COL19A1: variants seen among roughly 807,000 people sequenced by gnomAD.
COL19A1 encodes collagen alpha-1(XIX) chain.
In COL19A1, 159 loss-of-function variants were observed where a neutral mutation model predicts 190.2. That is an observed-to-expected ratio of 0.84 (90% CI 0.73 to 0.95). The LOEUF is 0.95. Among genes scored for constraint, COL19A1 ranks in the 40% least tolerant of loss-of-function variants. The pLI, the probability that COL19A1 is intolerant of heterozygous loss-of-function variation, is 0.00. For missense variants in COL19A1, 1,418 were observed against 1,431.9 expected (o/e 0.99, Z 0.16); for synonymous variants, 509 against 458.9 (o/e 1.11, Z -1.39).
At chr6:70,023,131 C>CTTTTTTTTTTTTTT (rs1419955153) in intron 11 of COL19A1, among the ~76,000 whole-genome samples, 1 of 142,230 alleles carries the variant, frequency 7.0e-6, no homozygotes. Context: ...TTTTATGCAG[C>CTTTTTTTTTTTTTT]TATTTTTTTT....
At chr6:70,143,728 T>C (rs1786411870) in intron 23 of COL19A1, among the ~76,000 whole-genome samples, 1 of 151,836 alleles carries the variant, frequency 6.6e-6, no homozygotes, top group African/African-American at 2.4e-5. Flanking sequence ...ATAAACCTAG[T>C]GGACAGATCT....
intron 48 of COL19A1, among the ~76,000 whole-genome samples, chr6:70,197,279 C>T (rs376085051): frequency 6.6e-6 from 1 of 151,694 alleles, no homozygotes. Context: ...AAAAATTAGC[C>T]GGGCATGGTG....
chr6:69,942,838 T>C (rs981931753), intron 9 of COL19A1, among the ~76,000 whole-genome samples: 8 of 152,010 alleles, frequency 5.3e-5, no homozygotes, highest in Admixed American at 5.3e-4. Flanking sequence ...TATTAGCGAT[T>C]GTGAGTAGTG....
chr6:70,188,799 A>G (rs984411157), intron 47 of COL19A1, among the ~76,000 whole-genome samples: 3 of 152,226 alleles, frequency 2.0e-5, no homozygotes, highest in Admixed American at 6.5e-5. Flanking sequence ...AGGAGTGGTG[A>G]GTGGCTATTC....
At chr6:70,075,089 G>A (rs1304820815) in intron 15 of COL19A1, among the ~76,000 whole-genome samples, 3 of 152,034 alleles carry the variant, frequency 2.0e-5, no homozygotes, top group Non-Finnish European at 2.9e-5. Context: ...AGATAACATC[G>A]TATTTTATTT....
intron 46 of COL19A1, among the ~76,000 whole-genome samples, chr6:70,187,181 A>T (rs1766578613): frequency 6.6e-6 from 1 of 152,078 alleles, no homozygotes; most frequent in Non-Finnish European, 1.5e-5. Flanking sequence ...CGCCTGGCCC[A>T]ACTGATTCTT....
At chr6:69,872,852 T>C (rs562646578) in intron 1 of COL19A1, among the ~76,000 whole-genome samples, 1 of 152,228 alleles carries the variant, frequency 6.6e-6, no homozygotes, top group Non-Finnish European at 1.5e-5. Flanking sequence ...TTTGTAGCAC[T>C]GGGGAACTCT....
At chr6:70,192,947 G>C (rs2150299929) in intron 48 of COL19A1, among the ~76,000 whole-genome samples, 1 of 152,288 alleles carries the variant, frequency 6.6e-6, no homozygotes, top group Non-Finnish European at 1.5e-5. Flanking sequence ...ATGGGCTGTA[G>C]TGTCTTTATT....
intron 11 of COL19A1, among the ~76,000 whole-genome samples, chr6:69,965,212 T>A (rs900643544): frequency 6.6e-5 from 10 of 152,228 alleles, no homozygotes; most frequent in Non-Finnish European, 1.5e-4. Context: ...TTACTGTGTT[T>A]AATTTGACTG....
At chr6:70,092,067 A>C (rs533038500) in intron 15 of COL19A1, among the ~76,000 whole-genome samples, 2 of 152,274 alleles carry the variant, frequency 1.3e-5, no homozygotes, top group African/African-American at 4.8e-5. Context: ...CAAGAAAAAG[A>C]AGTGGTGAGC....
chr6:69,973,444 G>C (rs142170969), intron 11 of COL19A1, among the ~76,000 whole-genome samples: 1 of 151,774 alleles, frequency 6.6e-6, no homozygotes, highest in Non-Finnish European at 1.5e-5. Context: ...TCATTTTTTC[G>C]CATATTTTTG....
At chr6:70,185,558 T>G (rs1562254053) in intron 46 of COL19A1, among the ~76,000 whole-genome samples, 1 of 152,154 alleles carries the variant, frequency 6.6e-6, no homozygotes, top group Non-Finnish European at 1.5e-5. Flanking sequence ...TTATATGGTT[T>G]TGTGTTGTTT....
intron 9 of COL19A1, among the ~76,000 whole-genome samples, chr6:69,944,526 C>T (rs1384768488): frequency 6.6e-6 from 1 of 152,054 alleles, no homozygotes. Flanking sequence ...ATATTGTTAA[C>T]TATTGTTCTA....
chr6:70,043,192 TC>T (rs1779718422), intron 14 of COL19A1, among the ~76,000 whole-genome samples: 2 of 114,864 alleles, frequency 1.7e-5, no homozygotes, highest in African/African-American at 6.2e-5. Context: ...TATTTCTTCT[TC>T]TTTTTTTTTT....
chr6:69,915,387 T>C (rs1771222901), intron 4 of COL19A1, among the ~76,000 whole-genome samples: 1 of 152,182 alleles, frequency 6.6e-6, no homozygotes, highest in Non-Finnish European at 1.5e-5. Context: ...TCCCCAACTT[T>C]GTCATACTTA....
intron 11 of COL19A1, among the ~76,000 whole-genome samples, chr6:69,970,193 A>G (rs1775344169): frequency 6.6e-6 from 1 of 152,216 alleles, no homozygotes; most frequent in Non-Finnish European, 1.5e-5. Flanking sequence ...TTTTAAATTA[A>G]CAGTAGAGTA....
intron 11 of COL19A1, among the ~76,000 whole-genome samples, chr6:69,979,689 T>G (rs1298244794): frequency 1.3e-5 from 2 of 151,628 alleles, no homozygotes; most frequent in African/African-American, 4.8e-5. Flanking sequence ...TACTAATGAG[T>G]TGACTCTATA....
rs552627363 is a variant in COL19A1 at position 70,053,434 on chromosome 6, G to A, written c.1171-14989G>A. ...TATTTGGAAGTCACATACTACCCAT[G>A]TTACCAACCCAATAGACTGGAAAGT... On this transcript the variant is annotated intron_variant, in intron 14 of 50. Coordinates refer to ENST00000620364, the MANE Select transcript of COL19A1 (RefSeq NM_001858.6). Among the ~76,000 whole-genome samples the A allele has an allele frequency of 2.0e-5, 3 of 152,204 alleles. No homozygotes were observed. In the East Asian group the frequency reaches 5.8e-4, roughly 29 times the overall value.
intron 14 of COL19A1, among the ~76,000 whole-genome samples, chr6:70,052,790 A>G (rs543966858): frequency 3.3e-5 from 5 of 152,348 alleles, no homozygotes; most frequent in African/African-American, 1.2e-4. Context: ...TTTATTTGGA[A>G]GTGCAAGTAG....
Sources: allele counts gnomAD v4.1 joint callset (sites outside exome capture counted in the v4.1 genomes callset), GRCh38; gene constraint gnomAD v4.1.1; transcripts MANE v1.5; gene names NCBI Gene and HGNC (gene_info 2026-07-23, HGNC 2026-07-21).